The following TANC1 variants were observed in gnomAD, a reference collection of about 807,000 sequenced individuals.
TANC1 encodes protein TANC1.
In TANC1, 77 loss-of-function variants were observed where a neutral mutation model predicts 149.7. The observed-to-expected ratio is 0.51, with a 90% CI of 0.43 to 0.62. The LOEUF is 0.62. Ranked by LOEUF, TANC1 falls within the 20% of genes least tolerant of loss-of-function variation. The pLI, the probability that TANC1 is intolerant of heterozygous loss-of-function variation, is 0.00. For synonymous variants in TANC1, 854 were observed against 925.0 expected (o/e 0.92, Z 1.39); for missense variants, 1,985 against 2,321.8 (o/e 0.85, Z 2.98).
At chr2:159,211,275 CA>C (rs1489350063) in intron 19 of TANC1, among the ~76,000 whole-genome samples, 2 of 152,348 alleles carry the variant, frequency 1.3e-5, no homozygotes, top group African/African-American at 4.8e-5. Flanking sequence ...ATCTAATTCA[CA>C]AATGCCATCT....
At position 159,136,291 on chromosome 2, in the gene TANC1, T is replaced by C. The variant is rs1360914050; in HGVS notation, c.357T>C (p.Asp119=). Residue 119 remains aspartate, a synonymous_variant, in exon 5 of 27, where the codon GAT becomes GAC. Transcript: ENST00000263635. The part of the protein sequence containing the change: ...FREVAKPTEP[D]EHEAKADNEP... Reference sequence around the variant, plus strand: ...AAGTAGCCAAGCCAACAGAGCCTGATGAGCATGGTAAGAATTTCAGTGATT... The same window carrying C: ...AAGTAGCCAAGCCAACAGAGCCTGACGAGCATGGTAAGAATTTCAGTGATT... The C allele has an allele frequency of 6.3e-7, 1 of 1,580,986 alleles. No individual in the cohort carries two copies.
chr2:159,229,965 C>G lies in TANC1; in HGVS notation c.4539C>G (p.Ser1513=). The G allele has an allele frequency of 1.9e-6, 3 of 1,614,042 alleles. No individual in the cohort carries two copies. The highest frequency in any genetic ancestry group is 2.5e-6 in the Non-Finnish European group (3 of 1,180,046). Residue 1513 remains serine, a synonymous_variant, in exon 27 of 27, where the codon TCC becomes TCG. Transcript: ENST00000263635. ...AGAGCAGGGCAGGAATCGGCAAGTC[C>G]CTGAGAGAGCCTGTGGCCCAGCCAG... The part of the protein sequence containing the change: ...SPQSRAGIGK[S]LREPVAQPGL...
intron 1 of TANC1, among the ~76,000 whole-genome samples, chr2:159,000,330 G>A (rs766545604): frequency 2.6e-5 from 4 of 152,166 alleles, no homozygotes; most frequent in African/African-American, 9.7e-5. Flanking sequence ...GTGTTAGCAC[G>A]TCAAGCCTGC....
intron 5 of TANC1, 100 bp downstream of exon 5, chr2:159,136,398 C>T: frequency 1.4e-6 from 1 of 736,204 alleles, no homozygotes; most frequent in Non-Finnish European, 2.4e-6. Flanking sequence ...TACTGCTTTG[C>T]TGAGAATGTA....
intron 15 of TANC1, 63 bp from the exon 16 acceptor site, chr2:159,186,839 G>C (rs1442566144): frequency 2.5e-6 from 4 of 1,607,944 alleles, no homozygotes; most frequent in Non-Finnish European, 3.4e-6. Context: ...CTGCAGGTGG[G>C]AAGGAGATGC....
At position 159,175,097 on chromosome 2, in the gene TANC1, A is replaced by G. The variant is rs1299740345; in HGVS notation, c.1648A>G (p.Ser550Gly). ...DLLIKEPQLQ[S>G]MLSLRSCVQD... ...TCTGATAAAGGAGCCCCAACTACAG[A>G]GCATGCTGAGCCTCCGATCCTGTGT... The change falls in exon 12 of 27, where the codon AGC (serine) becomes GGC (glycine). Residue 550 changes from serine to glycine, a missense_variant. Physicochemically the swap from Ser to Gly is moderately conservative, Grantham distance 56. Coordinates refer to ENST00000263635, the MANE Select transcript of TANC1 (RefSeq NM_033394.3). The G allele has an allele frequency of 6.2e-7, 1 of 1,614,138 alleles. No homozygotes were observed. The highest frequency in any genetic ancestry group is 8.5e-7 in the Non-Finnish European group (1 of 1,180,020).
chr2:159,164,471 G>A (rs1338695537), intron 8 of TANC1, among the ~76,000 whole-genome samples: 1 of 152,156 alleles, frequency 6.6e-6, no homozygotes, highest in East Asian at 1.9e-4. Flanking sequence ...GATCTCCAGT[G>A]CATAGTGAAG....
At chr2:159,012,565 C>G (rs933511691) in intron 2 of TANC1, among the ~76,000 whole-genome samples, 1 of 152,130 alleles carries the variant, frequency 6.6e-6, no homozygotes, top group African/African-American at 2.4e-5. Context: ...CTTTCCCTCA[C>G]ACAGTTTTTT....
chr2:159,153,432 A>T (rs552964441), intron 7 of TANC1, among the ~76,000 whole-genome samples: 83 of 152,306 alleles, frequency 5.4e-4, no homozygotes, highest in South Asian at 1.0e-3. Flanking sequence ...CATCCAGAAG[A>T]CCTCAGCTCT....
intron 4 of TANC1, among the ~76,000 whole-genome samples, chr2:159,120,841 T>A (rs2048776740): frequency 6.6e-6 from 1 of 152,156 alleles, no homozygotes; most frequent in African/African-American, 2.4e-5. Context: ...ACTTAAGCGA[T>A]CCTCCTGCCT....
chr2:159,125,572 T>TCCC (rs2049349714), intron 4 of TANC1, among the ~76,000 whole-genome samples: 6 of 99,316 alleles, frequency 6.0e-5, no homozygotes, highest in Admixed American at 1.2e-4. Context: ...CATTCCTTCC[T>TCCC]TCCTCCCTCC....
Position 159,152,292 on chromosome 2 carries a change from T to C in TANC1, c.682+1736T>C, listed in dbSNP as rs559281163. Among the ~76,000 whole-genome samples, 3 of 152,254 alleles carry C rather than the reference T, an allele frequency of 2.0e-5. No individual in the cohort carries two copies. In the East Asian group the frequency reaches 5.8e-4, roughly 29 times the overall value. ...TCCACCATAGATGGATCTTTGGTAT[T>C]TATTCTGAGATAAGCAGATGACTTT... On this transcript the variant is annotated intron_variant, in intron 7 of 26. Coordinates refer to ENST00000263635, the MANE Select transcript of TANC1 (RefSeq NM_033394.3).
chr2:159,022,985 C>T (rs1471334159), intron 2 of TANC1, among the ~76,000 whole-genome samples: 1 of 152,082 alleles, frequency 6.6e-6, no homozygotes, highest in Non-Finnish European at 1.5e-5. Flanking sequence ...AGGTCCCTTC[C>T]TTGTTCACAG....
chr2:159,016,085 A>G (rs965591221), intron 2 of TANC1, among the ~76,000 whole-genome samples: 1 of 152,206 alleles, frequency 6.6e-6, no homozygotes, highest in Non-Finnish European at 1.5e-5. Context: ...CACTGCTGAT[A>G]AAGACATACC....
chr2:159,056,199 G>A, intron 2 of TANC1: 1 of 236,610 alleles, frequency 4.2e-6, no homozygotes, highest in Non-Finnish European at 8.9e-6. Context: ...ACAAAGGTGA[G>A]CTTTCCCCTG....
chr2:159,060,997 G>A (rs1296367430), intron 2 of TANC1, among the ~76,000 whole-genome samples: 1 of 152,192 alleles, frequency 6.6e-6, no homozygotes, highest in Non-Finnish European at 1.5e-5. Flanking sequence ...GTGTGCTGAA[G>A]GAGAAATACC....
At chr2:159,015,388 A>T (rs1024798345) in intron 2 of TANC1, among the ~76,000 whole-genome samples, 2 of 152,080 alleles carry the variant, frequency 1.3e-5, no homozygotes, top group African/African-American at 2.4e-5. Flanking sequence ...CCTTGGCTCA[A>T]CCTACAAAAC....
At chr2:159,024,769 T>G (rs992377854) in intron 2 of TANC1, among the ~76,000 whole-genome samples, 4 of 152,056 alleles carry the variant, frequency 2.6e-5, no homozygotes, top group Non-Finnish European at 4.4e-5. Context: ...AAAAAAATCT[T>G]TTAGATCATA....
chr2:159,227,999 C>G, intron 25 of TANC1, 34 bp downstream of exon 25: 1 of 1,599,182 alleles, frequency 6.3e-7, no homozygotes, highest in Non-Finnish European at 8.5e-7. Context: ...ACCCAGTCTT[C>G]CAGCAACAGA....
Sources: gnomAD v4.1 joint callset for allele counts (sites outside exome capture counted in the v4.1 genomes callset) on GRCh38, gnomAD v4.1.1 for gene constraint, MANE v1.5 for transcripts, NCBI Gene and HGNC (gene_info 2026-07-23, HGNC 2026-07-21) for gene names.